OR2L13: variants seen among roughly 807,000 people sequenced by gnomAD.
OR2L13 encodes olfactory receptor family 2 subfamily L member 13.
OR2L13 carries 14 observed loss-of-function variants against 15.3 expected under a neutral mutation model. The ratio of observed to expected loss-of-function variants is 0.91; its 90% confidence interval spans 0.60 to 1.43. The LOEUF is 1.43. Ranked by LOEUF, OR2L13 falls within the 40% of genes most tolerant of loss-of-function variation. The probability of loss-of-function intolerance (pLI) is 0.00; values close to 1 mark genes in which losing one functional copy is unlikely to be tolerated. For missense variants in OR2L13, 367 were observed against 387.9 expected (o/e 0.95, Z 0.45); for synonymous variants, 152 against 142.9 (o/e 1.06, Z -0.45).
the OR2L13 span, among the ~76,000 whole-genome samples, chr1:248,072,283 T>C: frequency 2.6e-5 from 4 of 152,102 alleles, no homozygotes; most frequent in Non-Finnish European, 2.9e-5. Context: ...AACAGAAATA[T>C]AGATCAATGG....
the OR2L13 span, among the ~76,000 whole-genome samples, chr1:248,021,642 C>T: frequency 3.2e-4 from 49 of 152,120 alleles, 1 homozygote; most frequent in East Asian, 8.3e-3. Flanking sequence ...TACAGTACAA[C>T]GAGGTATTTT....
chr1:248,091,978 T>C (rs555509670), upstream of OR2L13, among the ~76,000 whole-genome samples: 5 of 152,188 alleles, frequency 3.3e-5, no homozygotes, highest in Non-Finnish European at 7.4e-5. Context: ...GATCAGCATT[T>C]TATATTTCTC....
At chr1:248,003,982 C>T in the OR2L13 span, 10 of 1,613,900 alleles carry the variant, frequency 6.2e-6, no homozygotes, top group Non-Finnish European at 7.6e-6. Flanking sequence ...CCCCAATGCT[C>T]AACCCCATCA....
chr1:247,953,551 A>G, the OR2L13 span, among the ~76,000 whole-genome samples: 2 of 152,196 alleles, frequency 1.3e-5, no homozygotes, highest in Non-Finnish European at 2.9e-5. Flanking sequence ...CTGTGGTTCA[A>G]TAGTCAAATA....
chr1:247,937,903 C>A, the OR2L13 span, among the ~76,000 whole-genome samples: 1 of 152,008 alleles, frequency 6.6e-6, no homozygotes, highest in African/African-American at 2.4e-5. Flanking sequence ...AATGATTAGC[C>A]TTTCACAATT....
chr1:247,974,580 A>G, the OR2L13 span, among the ~76,000 whole-genome samples: 24 of 152,162 alleles, frequency 1.6e-4, no homozygotes, highest in African/African-American at 5.6e-4. Flanking sequence ...TCATAAGTAT[A>G]TATGGATCCA....
chr1:247,945,734 C>A, the OR2L13 span, among the ~76,000 whole-genome samples: 2 of 152,134 alleles, frequency 1.3e-5, no homozygotes, highest in Admixed American at 6.6e-5. Context: ...GAATTGAATT[C>A]TTTAACATTA....
chr1:248,021,039 C>G, the OR2L13 span, among the ~76,000 whole-genome samples: 1 of 151,920 alleles, frequency 6.6e-6, no homozygotes, highest in African/African-American at 2.4e-5. Context: ...AAAAAATCAT[C>G]CAGAAAACAT....
At chr1:247,965,842 G>A in the OR2L13 span, 1 of 1,613,544 alleles carries the variant, frequency 6.2e-7, no homozygotes, top group Non-Finnish European at 8.5e-7. Context: ...TTCTATCAAT[G>A]CTTTCATACA....
At chr1:248,067,958 T>C in the OR2L13 span, among the ~76,000 whole-genome samples, 4 of 152,232 alleles carry the variant, frequency 2.6e-5, no homozygotes, top group Non-Finnish European at 5.9e-5. Context: ...CGCCCGCCAT[T>C]GCCCAGGCTT....
the OR2L13 span, among the ~76,000 whole-genome samples, chr1:247,950,907 A>G: frequency 6.6e-6 from 1 of 152,154 alleles, no homozygotes; most frequent in Non-Finnish European, 1.5e-5. Flanking sequence ...AAAATAACTG[A>G]AAGTTTGGAA....
the OR2L13 span, among the ~76,000 whole-genome samples, chr1:248,005,929 G>A: frequency 2.6e-5 from 4 of 152,088 alleles, no homozygotes; most frequent in African/African-American, 4.8e-5. Flanking sequence ...AATGAGCAGC[G>A]TATATTTTTA....
the OR2L13 span, among the ~76,000 whole-genome samples, chr1:247,946,859 A>G: frequency 3.3e-5 from 5 of 152,020 alleles, no homozygotes; most frequent in African/African-American, 1.2e-4. Context: ...CTGCAATACA[A>G]AAAAAAACTA....
chr1:247,954,203 T>C, the OR2L13 span, among the ~76,000 whole-genome samples: 6 of 152,328 alleles, frequency 3.9e-5, no homozygotes, highest in African/African-American at 1.4e-4. Context: ...TAGCTTCCTT[T>C]TGTAAGATTT....
At chr1:247,991,811 C>G in the OR2L13 span, among the ~76,000 whole-genome samples, 1 of 149,644 alleles carries the variant, frequency 6.7e-6, no homozygotes, top group African/African-American at 2.5e-5. Context: ...CCAAAAGGAT[C>G]AACGTTATTT....
upstream of OR2L13, among the ~76,000 whole-genome samples, chr1:248,095,894 T>C (rs764662959): frequency 1.3e-5 from 2 of 150,934 alleles, no homozygotes; most frequent in East Asian, 2.0e-4. Flanking sequence ...CCTGAGCCAC[T>C]GCGCCTGGCC....
At chr1:247,943,300 G>C in the OR2L13 span, among the ~76,000 whole-genome samples, 2 of 152,062 alleles carry the variant, frequency 1.3e-5, no homozygotes, top group Admixed American at 1.3e-4. Flanking sequence ...AGGAGGCAAG[G>C]GTTGGAAAGC....
the OR2L13 span, among the ~76,000 whole-genome samples, chr1:248,009,938 G>A: frequency 3.3e-5 from 5 of 151,914 alleles, no homozygotes; most frequent in African/African-American, 9.7e-5. Context: ...CAATAGATGC[G>A]GAAAAGACCT....
the OR2L13 span, chr1:247,990,450 C>T: frequency 4.4e-6 from 7 of 1,581,534 alleles, no homozygotes; most frequent in African/African-American, 8.1e-5. Flanking sequence ...GTATTTCCTA[C>T]TTAGTCAGCT....
Sources: gnomAD v4.1 joint callset for allele counts (sites outside exome capture counted in the v4.1 genomes callset) on GRCh38, gnomAD v4.1.1 for gene constraint, MANE v1.5 for transcripts, NCBI Gene and HGNC (gene_info 2026-07-23, HGNC 2026-07-21) for gene names.